Variants in ENTREP2 observed in about 807,000 individuals in gnomAD.
ENTREP2 encodes the protein protein ENTREP2.
At chr15:29,656,758 G>A in the ENTREP2 span, among the ~76,000 whole-genome samples, 14 of 152,208 alleles carry the variant, frequency 9.2e-5, no homozygotes, top group South Asian at 1.5e-3. Flanking sequence ...TTGAAAGAAA[G>A]CAAAATGGTA....
the ENTREP2 span, among the ~76,000 whole-genome samples, chr15:29,364,410 G>T: frequency 1.3e-5 from 2 of 152,188 alleles, no homozygotes; most frequent in African/African-American, 4.8e-5. Context: ...TAAGAAGTAA[G>T]TGCAGCAGGC....
the ENTREP2 span, among the ~76,000 whole-genome samples, chr15:29,416,027 C>T: frequency 6.6e-6 from 1 of 152,184 alleles, no homozygotes; most frequent in Non-Finnish European, 1.5e-5. Flanking sequence ...ACATTCCATG[C>T]TCATGGGTAG....
At chr15:29,183,864 G>A in the ENTREP2 span, among the ~76,000 whole-genome samples, 1 of 152,126 alleles carries the variant, frequency 6.6e-6, no homozygotes, top group Non-Finnish European at 1.5e-5. Flanking sequence ...AACAATGTAT[G>A]ATAATATATT....
At chr15:29,208,108 C>T in the ENTREP2 span, among the ~76,000 whole-genome samples, 3 of 152,076 alleles carry the variant, frequency 2.0e-5, no homozygotes, top group African/African-American at 7.2e-5. Flanking sequence ...GGATGGCAAA[C>T]ACAGACCACA....
At chr15:29,266,534 T>C in the ENTREP2 span, 1 of 152,148 alleles carries the variant, frequency 6.6e-6, no homozygotes, top group Admixed American at 6.5e-5. Flanking sequence ...TGGATAGTTA[T>C]TTTTCCCCCA....
the ENTREP2 span, chr15:29,376,706 T>C: frequency 6.6e-6 from 1 of 152,156 alleles, no homozygotes; most frequent in Non-Finnish European, 1.5e-5. Flanking sequence ...CATCAGTCAC[T>C]CCGGCAGGGA....
At chr15:29,481,663 A>C in the ENTREP2 span, among the ~76,000 whole-genome samples, 1 of 152,120 alleles carries the variant, frequency 6.6e-6, no homozygotes. Context: ...GGCTAAGTGC[A>C]CTCTGGGGGT....
At chr15:29,218,821 T>G in the ENTREP2 span, among the ~76,000 whole-genome samples, 1 of 152,204 alleles carries the variant, frequency 6.6e-6, no homozygotes, top group African/African-American at 2.4e-5. Context: ...CAACTCAAGA[T>G]GGATTAAAGA....
At chr15:29,209,749 T>A in the ENTREP2 span, among the ~76,000 whole-genome samples, 1 of 152,054 alleles carries the variant, frequency 6.6e-6, no homozygotes, top group African/African-American at 2.4e-5. Context: ...AGCCTGAGCA[T>A]CTCCCTCTGC....
the ENTREP2 span, among the ~76,000 whole-genome samples, chr15:29,336,372 C>T: frequency 1.3e-5 from 2 of 151,692 alleles, no homozygotes; most frequent in South Asian, 2.1e-4. Flanking sequence ...AGTGCAGTGG[C>T]GTGATCACAG....
the ENTREP2 span, among the ~76,000 whole-genome samples, chr15:29,247,542 T>C: frequency 1.6e-4 from 24 of 152,268 alleles, no homozygotes; most frequent in Admixed American, 4.6e-4. Flanking sequence ...TAAACAGACA[T>C]ATGAATGTTG....
the ENTREP2 span, among the ~76,000 whole-genome samples, chr15:29,597,893 G>T: frequency 6.6e-6 from 1 of 152,022 alleles, no homozygotes; most frequent in Non-Finnish European, 1.5e-5. Context: ...AGGCCGAGGA[G>T]TGTGGATTGC....
the ENTREP2 span, among the ~76,000 whole-genome samples, chr15:29,207,270 G>T: frequency 1.3e-5 from 2 of 152,132 alleles, no homozygotes; most frequent in East Asian, 3.9e-4. Flanking sequence ...TCCAGAATTG[G>T]TTCCCGCCCG....
chr15:29,326,769 A>G, the ENTREP2 span, among the ~76,000 whole-genome samples: 1 of 152,172 alleles, frequency 6.6e-6, no homozygotes, highest in African/African-American at 2.4e-5. Flanking sequence ...CTAAAGGAGA[A>G]GAAAAAAGAA....
the ENTREP2 span, among the ~76,000 whole-genome samples, chr15:29,380,283 C>A: frequency 6.6e-6 from 1 of 152,136 alleles, no homozygotes; most frequent in Non-Finnish European, 1.5e-5. Flanking sequence ...TAAGGCCACT[C>A]CTGTCTTCCC....
the ENTREP2 span, among the ~76,000 whole-genome samples, chr15:29,223,620 CCA>C: frequency 6.6e-6 from 1 of 152,048 alleles, no homozygotes; most frequent in Non-Finnish European, 1.5e-5. Context: ...GTCTTTTTTC[CCA>C]CTGGAGACCA....
the ENTREP2 span, among the ~76,000 whole-genome samples, chr15:29,532,363 T>C: frequency 6.6e-6 from 1 of 152,218 alleles, no homozygotes; most frequent in East Asian, 1.9e-4. Context: ...TGTTTTCTGA[T>C]TTGTAGCATT....
At chr15:29,151,649 C>T in the ENTREP2 span, 6 of 1,101,864 alleles carry the variant, frequency 5.4e-6, no homozygotes, top group Non-Finnish European at 8.1e-6. Flanking sequence ...GGCCGCTGTC[C>T]TCACAGCATC....
chr15:29,552,183 C>T, the ENTREP2 span, among the ~76,000 whole-genome samples: 1 of 152,022 alleles, frequency 6.6e-6, no homozygotes, highest in African/African-American at 2.4e-5. Context: ...GAAACAGAGG[C>T]GGCCTGAGAT....
Sources: allele counts gnomAD v4.1 joint callset (sites outside exome capture counted in the v4.1 genomes callset), GRCh38; gene constraint gnomAD v4.1.1; transcripts MANE v1.5; gene names NCBI Gene and HGNC (gene_info 2026-07-23, HGNC 2026-07-21).